The following CCDC171 variants were observed in gnomAD, a reference collection of about 807,000 sequenced individuals.
CCDC171 encodes coiled-coil domain containing 171.
In CCDC171, 177 loss-of-function variants were observed where a neutral mutation model predicts 168.2. The ratio of observed to expected loss-of-function variants is 1.05; its 90% CI spans 0.93 to 1.19. The LOEUF is 1.19. CCDC171 is among the 50% of genes most tolerant of loss of function. The probability of loss-of-function intolerance (pLI) is 0.00; values close to 1 mark genes in which losing one functional copy is unlikely to be tolerated. For missense variants in CCDC171, 1,991 were observed against 1,539.0 expected (o/e 1.29, Z -4.91); for synonymous variants, 687 against 540.8 (o/e 1.27, Z -3.75).
chr9:16,024,722 A>C (rs1005319224), intron 6 of CCDC171, among the ~76,000 whole-genome samples: 4 of 152,258 alleles, frequency 2.6e-5, no homozygotes, highest in African/African-American at 9.6e-5. Context: ...TAGGAAAGTC[A>C]TGTGACCAAA....
At chr9:15,793,769 G>A (rs944258070) in intron 21 of CCDC171, among the ~76,000 whole-genome samples, 4 of 151,614 alleles carry the variant, frequency 2.6e-5, no homozygotes, top group African/African-American at 9.7e-5. Flanking sequence ...GGATGGTCTC[G>A]ATCTCCTCAC....
intron 23 of CCDC171, among the ~76,000 whole-genome samples, chr9:15,861,305 T>A (rs906050043): frequency 1.1e-4 from 16 of 151,862 alleles, no homozygotes; most frequent in Admixed American, 2.0e-4. Context: ...CCTATTTACG[T>A]TTGAAGTAAT....
At position 15,846,910 on chromosome 9, in the gene CCDC171, G is replaced by C. The variant is rs145140851; in HGVS notation, c.3413+63G>C. 11,291 of 1,457,378 alleles carry C rather than the reference G, an allele frequency of 7.7e-3. 56 individuals carry two copies. Among genetic ancestry groups the C allele is most frequent in the Non-Finnish European group, 9.5e-3 (10,217 of 1,073,416 alleles). The allele number at this position is 1,457,378 out of a possible 1,614,324, so 90.3% of individuals were successfully genotyped here. ...ACAAAAGATCAATTCTTACTTTCAT[G>C]CTCCGGGTTTTAGCCCTGGATAATA... On this transcript the variant is annotated intron_variant, in intron 22 of 25. Coordinates refer to ENST00000380701, the MANE Select transcript of CCDC171 (RefSeq NM_173550.4).
intron 25 of CCDC171, among the ~76,000 whole-genome samples, chr9:15,937,356 A>G (rs1369428017): frequency 6.6e-6 from 1 of 152,032 alleles, no homozygotes; most frequent in East Asian, 1.9e-4. Flanking sequence ...ATTTTAATAT[A>G]AGTAAATTTT....
At chr9:15,926,971 C>G (rs995683364) in intron 25 of CCDC171, among the ~76,000 whole-genome samples, 1 of 151,706 alleles carries the variant, frequency 6.6e-6, no homozygotes. Context: ...TTTAATGAAT[C>G]AAGGCAGCCA....
At chr9:16,106,273 T>G in the CCDC171 span, among the ~76,000 whole-genome samples, 2 of 152,208 alleles carry the variant, frequency 1.3e-5, no homozygotes, top group South Asian at 4.1e-4. Flanking sequence ...CTCAAATTAT[T>G]TGCCCAAACA....
chr9:15,789,875 G>C (rs918993428), intron 21 of CCDC171, among the ~76,000 whole-genome samples: 2 of 151,374 alleles, frequency 1.3e-5, no homozygotes, highest in East Asian at 2.0e-4. Context: ...CCCTGCAATA[G>C]TTTGCTGAGA....
intron 18 of CCDC171, among the ~76,000 whole-genome samples, chr9:15,747,724 C>T (rs533673369): frequency 6.6e-6 from 1 of 152,312 alleles, no homozygotes; most frequent in East Asian, 1.9e-4. Flanking sequence ...AGGACATCCA[C>T]ACCAAAACCT....
chr9:15,805,945 T>TTG (rs1158284826), intron 21 of CCDC171, among the ~76,000 whole-genome samples: 2 of 152,176 alleles, frequency 1.3e-5, no homozygotes, highest in African/African-American at 2.4e-5. Context: ...TGCTCCTTTA[T>TTG]TGTGTGTATA....
intron 25 of CCDC171, among the ~76,000 whole-genome samples, chr9:15,950,452 G>C (rs1261326326): frequency 6.6e-6 from 1 of 152,104 alleles, no homozygotes; most frequent in Non-Finnish European, 1.5e-5. Context: ...AGCCAGAAGA[G>C]AGTGGGTGCC....
chr9:15,836,599 C>T (rs1255272716), intron 21 of CCDC171, among the ~76,000 whole-genome samples: 1 of 152,172 alleles, frequency 6.6e-6, no homozygotes, highest in Non-Finnish European at 1.5e-5. Flanking sequence ...GATCCGCCTG[C>T]CTCGGCCTCC....
At chr9:15,562,834 C>T (rs926121648) in intron 1 of CCDC171, among the ~76,000 whole-genome samples, 1 of 152,010 alleles carries the variant, frequency 6.6e-6, no homozygotes, top group Non-Finnish European at 1.5e-5. Flanking sequence ...AGGAAGTTTC[C>T]CTGGGGTCTG....
intron 24 of CCDC171, among the ~76,000 whole-genome samples, chr9:15,918,997 A>T (rs912777005): frequency 1.3e-5 from 2 of 151,716 alleles, no homozygotes; most frequent in Admixed American, 1.3e-4. Context: ...GTATAGGCAG[A>T]GTATCTTGCC....
intron 9 of CCDC171, among the ~76,000 whole-genome samples, chr9:15,671,681 C>T (rs765600291): frequency 7.1e-5 from 9 of 126,338 alleles, no homozygotes; most frequent in African/African-American, 1.9e-4. Flanking sequence ...CTGCAAAGGA[C>T]GTGAGCTCAT....
At chr9:15,865,335 A>C (rs757737968) in intron 23 of CCDC171, among the ~76,000 whole-genome samples, 1 of 151,738 alleles carries the variant, frequency 6.6e-6, no homozygotes, top group Non-Finnish European at 1.5e-5. Context: ...ATACATACAT[A>C]CATACATATA....
At chr9:15,848,388 C>A (rs2060989660) in intron 22 of CCDC171, among the ~76,000 whole-genome samples, 1 of 151,732 alleles carries the variant, frequency 6.6e-6, no homozygotes. Context: ...TATTCCTAGA[C>A]AAGTCACAGA....
At position 15,971,941 on chromosome 9, in the gene CCDC171, G is replaced by A. The variant is rs1328206754; in HGVS notation, c.*105G>A. 4.0e-6 allele frequency: 4 copies of A among 994,930 alleles called. No individual in the cohort carries two copies. The highest frequency in any genetic ancestry group is 6.1e-6 in the Non-Finnish European group (4 of 661,108). The allele number at this position is 994,930 out of a possible 1,614,324, so 61.6% of individuals were successfully genotyped here. A position where few individuals can be genotyped will look rare whatever the true frequency, so the allele number is the denominator to read the frequency against. ...CTTTTGTTTCAGCAGAAGTGGCAGTGGATTTAAAAAATTTGTGCGCTATCT... is the reference window on the plus strand; with the variant it reads ...CTTTTGTTTCAGCAGAAGTGGCAGTAGATTTAAAAAATTTGTGCGCTATCT... On this transcript the variant is annotated 3_prime_UTR_variant, in exon 26 of 26. Coordinates refer to ENST00000380701, the MANE Select transcript of CCDC171 (RefSeq NM_173550.4).
At chr9:15,875,651 C>T (rs1817740545) in intron 24 of CCDC171, 2 of 151,746 alleles carry the variant, frequency 1.3e-5, no homozygotes, top group Admixed American at 1.3e-4. Flanking sequence ...GTTTATGACC[C>T]TGTGGAATTT....
intron 21 of CCDC171, among the ~76,000 whole-genome samples, chr9:15,798,080 G>A (rs568231227): frequency 2.0e-5 from 3 of 151,966 alleles, no homozygotes; most frequent in Admixed American, 6.6e-5. Flanking sequence ...TATTTTTAAG[G>A]TGCTGTAAGT....
Sources: allele counts gnomAD v4.1 joint callset (sites outside exome capture counted in the v4.1 genomes callset), GRCh38; gene constraint gnomAD v4.1.1; transcripts MANE v1.5; gene names NCBI Gene and HGNC (gene_info 2026-07-23, HGNC 2026-07-21).